The following F13A1 variants were observed in gnomAD, a reference collection of about 807,000 sequenced individuals.
The protein encoded by F13A1 is coagulation factor XIII A chain.
In F13A1, 47 loss-of-function variants were observed where a neutral mutation model predicts 80.1. The observed-to-expected ratio is 0.59, with a 90% CI of 0.46 to 0.75. F13A1 has a LOEUF of 0.75. Among genes scored for constraint, F13A1 ranks in the 30% least tolerant of loss-of-function variants. F13A1 has a pLI of 0.00. For synonymous variants in F13A1, 349 were observed against 344.9 expected, an observed-to-expected ratio of 1.01 and a Z score of -0.13; for missense variants, 817 against 930.4, an observed-to-expected ratio of 0.88 and a Z score of 1.59.
intron 3 of F13A1, among the ~76,000 whole-genome samples, chr6:6,283,598 T>TA (rs1471970367): frequency 1.3e-5 from 2 of 152,116 alleles, no homozygotes; most frequent in South Asian, 2.1e-4. Context: ...TTTCGAAATT[T>TA]AAAAAAAACT....
chr6:6,261,004 T>G (rs900977956), intron 4 of F13A1, among the ~76,000 whole-genome samples: 1 of 152,210 alleles, frequency 6.6e-6, no homozygotes, highest in Non-Finnish European at 1.5e-5. Context: ...AGTCTCACTC[T>G]GTGGCCCAGG....
Position 6,144,341 on chromosome 6 carries a change from A to G in F13A1, c.*1278T>C, listed in dbSNP as rs1033130973. ...TTAGAAATGTGGTTATATAGACCAG[A>G]GCATTCCATTCTGATTTTGCCCCCA... On this transcript the variant is annotated 3_prime_UTR_variant, in exon 15 of 15. Coordinates refer to ENST00000264870, the MANE Select transcript of F13A1 (RefSeq NM_000129.4). 7.9e-5 allele frequency: 12 copies of G among 152,214 alleles called. No individual in the cohort carries two copies. The highest frequency in any genetic ancestry group is 2.9e-4 in the African/African-American group (12 of 41,442). The allele number at this position is 152,214 out of a possible 1,614,324, so 9.4% of individuals were successfully genotyped here.
intron 6 of F13A1, among the ~76,000 whole-genome samples, chr6:6,230,249 G>T (rs541197079): frequency 6.6e-6 from 1 of 152,228 alleles, no homozygotes; most frequent in Admixed American, 6.5e-5. Context: ...GGGCTGTTGA[G>T]GGGGGCACGG....
At chr6:6,289,459 C>G (rs1037355785) in intron 3 of F13A1, among the ~76,000 whole-genome samples, 8 of 152,130 alleles carry the variant, frequency 5.3e-5, no homozygotes, top group Non-Finnish European at 8.8e-5. Flanking sequence ...CACGCACACA[C>G]ACATTTTACT....
At chr6:6,210,324 G>GAGATATATATATATATATATATATAT (rs1761580677) in intron 8 of F13A1, among the ~76,000 whole-genome samples, 5 of 82,876 alleles carry the variant, frequency 6.0e-5, no homozygotes, top group African/African-American at 1.0e-4. Context: ...TGTAGCATGT[G>GAGATATATATATATATATATATATAT]ATATATATAT....
intron 4 of F13A1, among the ~76,000 whole-genome samples, chr6:6,259,817 C>T (rs534750787): frequency 6.6e-6 from 1 of 152,156 alleles, no homozygotes; most frequent in African/African-American, 2.4e-5. Flanking sequence ...AACAACTTAT[C>T]AAGAGGAGAA....
chr6:6,282,470 T>C (rs975619566), intron 3 of F13A1, among the ~76,000 whole-genome samples: 3 of 152,192 alleles, frequency 2.0e-5, no homozygotes, highest in African/African-American at 7.2e-5. Flanking sequence ...AATAATAATT[T>C]TGGTAATAAA....
Position 6,215,408 on chromosome 6 carries a change from A to G in F13A1, c.1112+6625T>C, listed in dbSNP as rs1356595523. Among the ~76,000 whole-genome samples, 16 of 98,554 alleles carry G rather than the reference A, an allele frequency of 1.6e-4. 4 individuals are homozygous for G. Among genetic ancestry groups the G allele is most frequent in the Admixed American group, 6.3e-4 (7 of 11,170 alleles). 64.7% of individuals were successfully genotyped at this position (98,554 alleles called of 152,430 possible). ...AATCAATAAATGTAATCCAGCATAT[A>G]AACAGAGCCAAAGACAAAAACCACA... On this transcript the variant is annotated intron_variant, in intron 8 of 14. Coordinates refer to ENST00000264870, the MANE Select transcript of F13A1 (RefSeq NM_000129.4).
intron 8 of F13A1, among the ~76,000 whole-genome samples, chr6:6,199,508 G>A (rs1010166316): frequency 1.4e-5 from 2 of 145,156 alleles, no homozygotes; most frequent in Non-Finnish European, 3.0e-5. Flanking sequence ...AAAAAAAAAA[G>A]AACAGTACTA....
In F13A1 at chr6:6,266,769, C is replaced by T. The variant is rs370857061; in HGVS notation, c.360G>A (p.Val120=). The part of the protein sequence containing the change: ...PQENKGTYIP[V]PIVSELQSGK... ...CACTTTGTAACTCTGAGACTATAGG[C>T]ACTGGGATGTAGGTTCCCTTGTTCT... The change falls in exon 4 of 15, where the codon GTG becomes GTA. Residue 120 remains valine (V), a synonymous_variant. Transcript: ENST00000264870. 14 of 1,614,074 alleles carry T rather than the reference C, an allele frequency of 8.7e-6. No individual in the cohort carries two copies. Among genetic ancestry groups the T allele is most frequent in the Non-Finnish European group, 1.2e-5 (14 of 1,180,038 alleles).
At chr6:6,151,253 T>C (rs1027841552) in intron 14 of F13A1, among the ~76,000 whole-genome samples, 2 of 151,028 alleles carry the variant, frequency 1.3e-5, no homozygotes, top group Non-Finnish European at 3.0e-5. Context: ...TGGGGAACCA[T>C]CTAGAGCTCT....
At chr6:6,206,268 A>T in intron 8 of F13A1, 1 of 324,108 alleles carries the variant, frequency 3.1e-6, no homozygotes, top group East Asian at 8.2e-5. Flanking sequence ...AAGGAATTAC[A>T]TTACATTCAG....
At chr6:6,193,431 A>G (rs1300687822) in intron 10 of F13A1, among the ~76,000 whole-genome samples, 1 of 152,172 alleles carries the variant, frequency 6.6e-6, no homozygotes, top group Non-Finnish European at 1.5e-5. Context: ...CCTGAGTCAT[A>G]TCGACTCATA....
intron 8 of F13A1, among the ~76,000 whole-genome samples, chr6:6,208,401 C>G (rs1204762691): frequency 6.6e-6 from 1 of 151,978 alleles, no homozygotes; most frequent in Non-Finnish European, 1.5e-5. Context: ...TGAGATGTTA[C>G]TTATGCAGTT....
Position 6,195,833 on chromosome 6 carries a change from G to C in F13A1, c.1269C>G (p.Val423=). Residue 423 remains valine (V), a synonymous_variant, in exon 10 of 15, where the codon GTC becomes GTG. Coordinates refer to ENST00000264870, the MANE Select transcript of F13A1 (RefSeq NM_000129.4). ...CAAAAGGTGCATCAAATTGGAAGCA[G>C]ACATGGCCGTGCTTGATGGCTTGAA... ...ASVQAIKHGH[V]CFQFDAPFVF... The C allele has an allele frequency of 1.2e-6, 2 of 1,614,210 alleles. No individual in the cohort carries two copies. The highest frequency in any genetic ancestry group is 1.7e-6 in the Non-Finnish European group (2 of 1,180,022).
intron 8 of F13A1, among the ~76,000 whole-genome samples, chr6:6,221,568 C>T (rs1333018090): frequency 2.0e-5 from 3 of 152,038 alleles, no homozygotes; most frequent in Non-Finnish European, 2.9e-5. Flanking sequence ...TTGTAAATGG[C>T]GATATTAATA....
rs779080521 is a variant in F13A1, at chr6:6,266,554, T to C, written c.571+4A>G. Reference sequence around the variant, plus strand: ...AATGAGAAAACTAAATGTCTGCCTCTTACCTTCACACCAAGGATTGAAGAG... The same window carrying C: ...AATGAGAAAACTAAATGTCTGCCTCCTACCTTCACACCAAGGATTGAAGAG... On this transcript the variant is annotated splice_donor_region_variant and intron_variant, in intron 4 of 14. Transcript: ENST00000264870. 1 of 1,614,240 alleles carries C rather than the reference T, an allele frequency of 6.2e-7. No individual in the cohort carries two copies. Among genetic ancestry groups the C allele is most frequent in the Admixed American group, 1.7e-5 (1 of 60,032 alleles).
At chr6:6,181,931 G>C in intron 11 of F13A1, 57 bp downstream of exon 11, 1 of 1,586,562 alleles carries the variant, frequency 6.3e-7, no homozygotes, top group South Asian at 1.1e-5. Flanking sequence ...GAGTGACAAT[G>C]AATAAGTACT....
intron 4 of F13A1, among the ~76,000 whole-genome samples, chr6:6,266,067 C>T (rs1757839472): frequency 6.6e-6 from 1 of 152,190 alleles, no homozygotes; most frequent in South Asian, 2.1e-4. Flanking sequence ...AAATGTATAG[C>T]AGCATTGACT....
Sources: gnomAD v4.1 joint callset for allele counts (sites outside exome capture counted in the v4.1 genomes callset) on GRCh38, gnomAD v4.1.1 for gene constraint, MANE v1.5 for transcripts, NCBI Gene and HGNC (gene_info 2026-07-23, HGNC 2026-07-21) for gene names.